The following DAP variants were observed in gnomAD, a reference collection of about 807,000 sequenced individuals.
DAP encodes the protein death associated protein.
A neutral mutation model predicts 13.8 loss-of-function variants in DAP; 8 were observed. The observed-to-expected ratio is 0.58, with a 90% CI of 0.34 to 1.05. The LOEUF (loss-of-function observed/expected upper bound fraction) is 1.05. DAP is among the 50% of genes least tolerant of loss of function. DAP has a pLI of 0.03. For missense variants in DAP, 106 were observed against 133.2 expected (o/e 0.80, Z 1.01); for synonymous variants, 47 against 47.5 (o/e 0.99, Z 0.04).
chr5:10,703,757 AC>A (rs1358164914), intron 2 of DAP, among the ~76,000 whole-genome samples: 1 of 152,146 alleles, frequency 6.6e-6, no homozygotes, highest in African/African-American at 2.4e-5. Context: ...TTGCTTCTTT[AC>A]ACAGCAGCCT....
At chr5:10,684,632 G>C (rs1738111744) in intron 2 of DAP, among the ~76,000 whole-genome samples, 1 of 152,206 alleles carries the variant, frequency 6.6e-6, no homozygotes, top group Admixed American at 6.5e-5. Context: ...TACAAAAATA[G>C]TTATACTGTT....
chr5:10,749,039 G>T (rs1004559735), intron 1 of DAP, among the ~76,000 whole-genome samples: 3 of 152,080 alleles, frequency 2.0e-5, no homozygotes, highest in Non-Finnish European at 4.4e-5. Context: ...TGCTTATTTC[G>T]GACATGTGAT....
chr5:10,707,718 G>A lies in DAP; in HGVS notation c.153-24147C>T, dbSNP rs1302740721. Among the ~76,000 whole-genome samples, 2 of 152,184 alleles carry A rather than the reference G, an allele frequency of 1.3e-5. No individual in the cohort carries two copies. The highest frequency in any genetic ancestry group is 4.8e-5 in the African/African-American group (2 of 41,418). ...GTACAGGTGGTGTGATGCATGGGTG[G>A]TGTGGTGTGTGGGTGGTATGGCACA... On this transcript the variant is annotated intron_variant, in intron 2 of 3. Coordinates refer to ENST00000230895, the MANE Select transcript of DAP (RefSeq NM_004394.3). The surrounding 1 kb of genome is among the most constrained non-coding windows in gnomAD (Gnocchi z 4.0).
At chr5:10,750,937 C>T (rs1438226993) in intron 1 of DAP, among the ~76,000 whole-genome samples, 1 of 152,204 alleles carries the variant, frequency 6.6e-6, no homozygotes, top group Non-Finnish European at 1.5e-5. Flanking sequence ...AGGCAGATTT[C>T]TCAGAAGACA....
Position 10,680,522 on chromosome 5 carries a change from G to C in DAP, c.*534C>G, listed in dbSNP as rs1737956886. 1.7e-6 allele frequency: 1 copy of C among 599,324 alleles called. No individual in the cohort carries two copies. The highest frequency in any genetic ancestry group is 3.0e-5 in the Admixed American group (1 of 33,126). 37.1% of individuals were successfully genotyped at this position (599,324 alleles called of 1,614,324 possible). A position where few individuals can be genotyped will look rare whatever the true frequency, so the allele number is the denominator to read the frequency against. On this transcript the variant is annotated 3_prime_UTR_variant, in exon 4 of 4. Transcript: ENST00000230895. ...CATGGGTGCCTCATCAGCCTGCACA[G>C]GATCCCCCATCTCACGAGAGAGGGA...
intron 2 of DAP, among the ~76,000 whole-genome samples, chr5:10,715,809 G>A (rs969515353): frequency 6.6e-6 from 1 of 152,198 alleles, no homozygotes; most frequent in Admixed American, 6.5e-5. Context: ...ACTCACCATG[G>A]AATTCCAACA....
chr5:10,723,935 A>C (rs1739220750), intron 2 of DAP, among the ~76,000 whole-genome samples: 1 of 152,190 alleles, frequency 6.6e-6, no homozygotes, highest in African/African-American at 2.4e-5. Context: ...GCGGGTGTCT[A>C]TTTGGAAGAT....
intron 1 of DAP, among the ~76,000 whole-genome samples, chr5:10,755,986 C>T (rs937013138): frequency 3.9e-5 from 6 of 152,172 alleles, no homozygotes; most frequent in African/African-American, 1.4e-4. Context: ...TGTGTCTACA[C>T]AAAATACACA....
intron 1 of DAP, among the ~76,000 whole-genome samples, chr5:10,755,517 C>T (rs1740160863): frequency 6.6e-6 from 1 of 152,150 alleles, no homozygotes; most frequent in Admixed American, 6.5e-5. Flanking sequence ...TACACTTGTC[C>T]CCTCAGCAGC....
At chr5:10,697,464 T>C (rs5745250) in intron 2 of DAP, among the ~76,000 whole-genome samples, 6,319 of 152,304 alleles carry the variant, frequency 0.041, 197 homozygotes, top group South Asian at 0.081. Flanking sequence ...CTCTTTGGAA[T>C]TTCAATTATG....
chr5:10,688,649 A>G (rs950576535), intron 2 of DAP, among the ~76,000 whole-genome samples: 3 of 152,198 alleles, frequency 2.0e-5, no homozygotes, highest in African/African-American at 7.2e-5. Context: ...GTACGTGTGT[A>G]TTTATAAAGA....
At chr5:10,692,150 A>T (rs966584081) in intron 2 of DAP, among the ~76,000 whole-genome samples, 1 of 152,170 alleles carries the variant, frequency 6.6e-6, no homozygotes, top group African/African-American at 2.4e-5. Context: ...AAACTTCCCT[A>T]AACTCCCAAA....
At chr5:10,741,719 A>C (rs1332977524) in intron 2 of DAP, among the ~76,000 whole-genome samples, 1 of 152,212 alleles carries the variant, frequency 6.6e-6, no homozygotes, top group African/African-American at 2.4e-5. Context: ...TACTTGCTAA[A>C]ATTTATTTGT....
At chr5:10,760,834 G>C (rs1289541585) in intron 1 of DAP, among the ~76,000 whole-genome samples, 180 bp downstream of exon 1, 1 of 151,894 alleles carries the variant, frequency 6.6e-6, no homozygotes, top group East Asian at 1.9e-4. Flanking sequence ...GCTCCGGCGG[G>C]CTCCTCCCGG....
In DAP at chr5:10,685,659, GC is replaced by G. The variant is rs1738137799; in HGVS notation, c.153-2089del. On this transcript the variant is annotated intron_variant, in intron 2 of 3. Coordinates refer to ENST00000230895, the MANE Select transcript of DAP (RefSeq NM_004394.3). ...ATAGTATCATCTTCAACAAGGCACA[GC>G]CGTCTTTCCGTAGCAGGAGTGCACA... is the stretch of plus-strand genomic sequence containing the variant. Among the ~76,000 whole-genome samples, 3 of 152,214 alleles carry G rather than the reference GC, an allele frequency of 2.0e-5. No homozygotes were observed. In the South Asian group the frequency reaches 6.2e-4, roughly 31 times the overall value.
At chr5:10,685,638 TATC>T (rs2126634975) in intron 2 of DAP, among the ~76,000 whole-genome samples, 1 of 152,344 alleles carries the variant, frequency 6.6e-6, no homozygotes, top group South Asian at 2.1e-4. Context: ...AATCATATAG[TATC>T]ATCTTCAACA....
chr5:10,706,421 AGAG>A (rs1486747490), intron 2 of DAP, among the ~76,000 whole-genome samples: 1 of 152,226 alleles, frequency 6.6e-6, no homozygotes, highest in Non-Finnish European at 1.5e-5. Flanking sequence ...ACAGTGAGTA[AGAG>A]GAGAAGCTAG....
intron 2 of DAP, among the ~76,000 whole-genome samples, chr5:10,705,611 G>A (rs562396894): frequency 6.6e-6 from 1 of 152,236 alleles, no homozygotes; most frequent in Non-Finnish European, 1.5e-5. Context: ...GGCGAAACCT[G>A]TCAGACAACG....
intron 2 of DAP, among the ~76,000 whole-genome samples, chr5:10,700,051 T>C (rs914724347): frequency 2.6e-5 from 4 of 152,296 alleles, no homozygotes; most frequent in South Asian, 4.1e-4. Context: ...ACCTCGAGCA[T>C]GAAGAGGGTA....
Sources: allele counts gnomAD v4.1 joint callset (sites outside exome capture counted in the v4.1 genomes callset), GRCh38; gene constraint gnomAD v4.1.1; non-coding constraint Gnocchi (gnomAD v3.1); transcripts MANE v1.5; gene names NCBI Gene and HGNC (gene_info 2026-07-23, HGNC 2026-07-21).